Variants in GPHN observed in about 807,000 individuals in gnomAD.
The protein encoded by GPHN is gephyrin.
In GPHN, 17 loss-of-function variants were observed where a neutral mutation model predicts 95.5. The observed-to-expected ratio is 0.18, with a 90% CI of 0.12 to 0.27. The LOEUF is 0.27. Ranked by LOEUF, GPHN falls within the 10% of genes least tolerant of loss-of-function variation. The pLI, the probability that GPHN is intolerant of heterozygous loss-of-function variation, is 1.00. For synonymous variants in GPHN, 320 were observed against 322.5 expected (o/e 0.99, Z 0.08); for missense variants, 660 against 978.1 (o/e 0.67, Z 4.34).
chr14:67,137,865 CATG>C (rs2080189285), intron 17 of GPHN, among the ~76,000 whole-genome samples: 1 of 152,152 alleles, frequency 6.6e-6, no homozygotes, highest in East Asian at 1.9e-4. Flanking sequence ...TAAGTGATAT[CATG>C]ATATCCCTTT....
At chr14:66,616,099 T>G (rs2063011043) in intron 1 of GPHN, among the ~76,000 whole-genome samples, 1 of 151,822 alleles carries the variant, frequency 6.6e-6, no homozygotes, top group South Asian at 2.1e-4. Context: ...AGTACCATGC[T>G]GTTTTGATTA....
chr14:66,909,788 A>G (rs1237094283), intron 5 of GPHN, among the ~76,000 whole-genome samples: 1 of 151,952 alleles, frequency 6.6e-6, no homozygotes, highest in East Asian at 1.9e-4. Flanking sequence ...AAAAAATGAT[A>G]CAAGCATTGA....
chr14:67,205,420 A>T, the GPHN span, among the ~76,000 whole-genome samples: 3 of 152,338 alleles, frequency 2.0e-5, no homozygotes, highest in South Asian at 6.2e-4. Flanking sequence ...CACAGAATCC[A>T]CATGAGCCTC....
intron 1 of GPHN, among the ~76,000 whole-genome samples, chr14:66,583,500 A>G (rs2140490860): frequency 6.6e-6 from 1 of 152,102 alleles, no homozygotes; most frequent in East Asian, 1.9e-4. Context: ...GTTTTTTTCT[A>G]GGGTTTTTAC....
intron 2 of GPHN, among the ~76,000 whole-genome samples, chr14:66,695,272 TAA>T (rs2068041424): frequency 6.6e-6 from 1 of 152,172 alleles, no homozygotes; most frequent in Non-Finnish European, 1.5e-5. Flanking sequence ...AATAAGTATA[TAA>T]AAAGATGTTC....
chr14:66,578,506 A>G (rs1272894660), intron 1 of GPHN, among the ~76,000 whole-genome samples: 3 of 151,862 alleles, frequency 2.0e-5, no homozygotes, highest in Admixed American at 6.6e-5. Context: ...CAATGCTACA[A>G]TAAGACTTAG....
the GPHN span, among the ~76,000 whole-genome samples, chr14:67,699,692 C>A: frequency 6.8e-6 from 1 of 146,184 alleles, no homozygotes; most frequent in African/African-American, 2.5e-5. Flanking sequence ...TTAAAGTGAT[C>A]AAAACACAGT....
At chr14:66,709,256 A>G (rs540666805) in intron 2 of GPHN, 2 of 419,940 alleles carry the variant, frequency 4.8e-6, no homozygotes, top group African/African-American at 2.0e-5. Flanking sequence ...AAATAGCACT[A>G]TTAAACAGGA....
the GPHN span, among the ~76,000 whole-genome samples, chr14:67,261,052 G>T: frequency 1.3e-5 from 2 of 152,130 alleles, no homozygotes; most frequent in Non-Finnish European, 2.9e-5. Flanking sequence ...ATTTTGTTAA[G>T]ATACAAAATT....
intron 1 of GPHN, among the ~76,000 whole-genome samples, chr14:66,656,082 T>C (rs1457945672): frequency 1.3e-5 from 2 of 152,200 alleles, no homozygotes. Context: ...ACTGTCTTTG[T>C]TTGCTTTTTG....
At chr14:66,637,147 A>T (rs974685486) in intron 1 of GPHN, among the ~76,000 whole-genome samples, 1 of 152,098 alleles carries the variant, frequency 6.6e-6, no homozygotes, top group African/African-American at 2.4e-5. Flanking sequence ...TCTTCAATTC[A>T]TTGGTTATTG....
chr14:66,806,337 A>T (rs2153479736), intron 3 of GPHN, among the ~76,000 whole-genome samples: 1 of 152,272 alleles, frequency 6.6e-6, no homozygotes, highest in Non-Finnish European at 1.5e-5. Flanking sequence ...GCTGCTGCAA[A>T]GGTCTCTGAC....
intron 20 of GPHN, among the ~76,000 whole-genome samples, chr14:67,168,724 C>A (rs2140053382): frequency 6.6e-6 from 1 of 152,276 alleles, no homozygotes; most frequent in South Asian, 2.1e-4. Context: ...CAGAATTCTC[C>A]ATTTTACTGA....
At chr14:67,300,703 TA>T in the GPHN span, among the ~76,000 whole-genome samples, 9 of 152,196 alleles carry the variant, frequency 5.9e-5, no homozygotes, top group Admixed American at 2.6e-4. Context: ...GGAAACAGGC[TA>T]AAAAAATTTA....
the GPHN span, among the ~76,000 whole-genome samples, chr14:67,519,187 G>A: frequency 2.0e-5 from 3 of 152,162 alleles, no homozygotes; most frequent in Non-Finnish European, 2.9e-5. Flanking sequence ...AAGAGGCTAA[G>A]GAGTGTAAAC....
chr14:67,648,086 A>G, the GPHN span: 1 of 1,613,834 alleles, frequency 6.2e-7, no homozygotes, highest in Non-Finnish European at 8.5e-7. Context: ...ATATTGATGC[A>G]TTTGACCCTA....
the GPHN span, among the ~76,000 whole-genome samples, chr14:67,363,118 A>T: frequency 6.6e-6 from 1 of 152,162 alleles, no homozygotes; most frequent in Non-Finnish European, 1.5e-5. Context: ...ACATTTCTGT[A>T]ACATAGTTTA....
At chr14:66,626,861 G>T (rs541221023) in intron 1 of GPHN, among the ~76,000 whole-genome samples, 1 of 152,032 alleles carries the variant, frequency 6.6e-6, no homozygotes, top group Non-Finnish European at 1.5e-5. Flanking sequence ...AGCTGATAAT[G>T]TAAATGAAGA....
the GPHN span, among the ~76,000 whole-genome samples, chr14:67,481,153 T>G: frequency 6.6e-6 from 1 of 151,956 alleles, no homozygotes; most frequent in Non-Finnish European, 1.5e-5. Context: ...GTAGGCTGGT[T>G]TGATGTGGTG....
Sources: allele counts gnomAD v4.1 joint callset (sites outside exome capture counted in the v4.1 genomes callset), GRCh38; gene constraint gnomAD v4.1.1; transcripts MANE v1.5; gene names NCBI Gene and HGNC (gene_info 2026-07-23, HGNC 2026-07-21).